PIEZO1: variants seen among roughly 807,000 people sequenced by gnomAD.
PIEZO1 encodes piezo-type mechanosensitive ion channel component 1.
PIEZO1 carries 296 observed loss-of-function variants against 297.2 expected under a neutral mutation model. The ratio of observed to expected loss-of-function variants is 1.00; its 90% CI spans 0.91 to 1.10. The LOEUF (loss-of-function observed/expected upper bound fraction) is 1.10. Ranked by LOEUF, PIEZO1 falls within the 50% of genes least tolerant of loss-of-function variation. The pLI, the probability that PIEZO1 is intolerant of heterozygous loss-of-function variation, is 0.00. For missense variants in PIEZO1, 5,018 were observed against 3,455.5 expected (o/e 1.45, Z -11.34); for synonymous variants, 2,427 against 1,507.5 (o/e 1.61, Z -14.13).
chr16:88,733,148 G>C, intron 19 of PIEZO1, 130 bp downstream of exon 19: 7 of 864,116 alleles, frequency 8.1e-6, no homozygotes, highest in Non-Finnish European at 1.2e-5. Flanking sequence ...CCCCCTTGGC[G>C]CCCCCAGGGG....
At position 88,734,409 on chromosome 16, in the gene PIEZO1, G is replaced by T. The variant is rs956098218; in HGVS notation, c.2127C>A (p.Thr709=). ...HYFHRPFMQL[T]DMEHVSLPGT... ...CAGGCAGGGACACGTGCTCCATGTC[G>T]GTGAGCTGCATGAAGGGCCTGTGGA... Residue 709 remains threonine, a synonymous_variant, in exon 16 of 51, where the codon ACC becomes ACA. Coordinates refer to ENST00000301015, the MANE Select transcript of PIEZO1 (RefSeq NM_001142864.4). 7 of 1,549,496 alleles carry T rather than the reference G, an allele frequency of 4.5e-6. No homozygotes were observed. The highest frequency in any genetic ancestry group is 6.1e-6 in the Non-Finnish European group (7 of 1,146,474).
At chr16:88,730,713 T>C (rs1363544969) in intron 22 of PIEZO1, among the ~76,000 whole-genome samples, 1 of 151,422 alleles carries the variant, frequency 6.6e-6, no homozygotes, top group East Asian at 1.9e-4. Context: ...ATCACAGGCG[T>C]GAACCACCAT....
At chr16:88,755,748 T>C (rs4782510) in intron 1 of PIEZO1, among the ~76,000 whole-genome samples, 103,516 of 152,232 alleles carry the variant, frequency 0.68, 36,003 homozygotes, top group African/African-American at 0.84. Context: ...GAAGGCACCA[T>C]GAGAGGCCGG....
rs564808139 is a variant in PIEZO1, at chr16:88,717,478, C to G, written c.6472-267G>C. 1.4e-4 allele frequency: 85 copies of G among 596,212 alleles called. No homozygotes were observed. The African/African-American group carries it at 1.5e-3, about 10-fold the overall frequency. 36.9% of individuals were successfully genotyped at this position (596,212 alleles called of 1,614,324 possible). A position where few individuals can be genotyped will look rare whatever the true frequency, so the allele number is the denominator to read the frequency against. On this transcript the variant is annotated intron_variant, in intron 44 of 50. Transcript: ENST00000301015. ...AACCTTTTTCAACACGGTGCAGGCA[C>G]CGCCCCAGGCAGGAGAATGAAACGC...
intron 21 of PIEZO1, 123 bp from the exon 22 acceptor site, chr16:88,732,033 G>A: frequency 1.2e-5 from 2 of 168,628 alleles, no homozygotes; most frequent in Non-Finnish European, 2.3e-5. Context: ...CATCAAGCAA[G>A]GACAGGGCCA....
At position 88,784,994 on chromosome 16, in the gene PIEZO1, C is replaced by A. The variant is rs963593374; in HGVS notation, c.-30G>T. The A allele has an allele frequency of 4.1e-6, 5 of 1,222,970 alleles. No homozygotes were observed. The highest frequency in any genetic ancestry group is 3.2e-5 in the African/African-American group (2 of 63,242). 75.8% of individuals were successfully genotyped at this position (1,222,970 alleles called of 1,614,324 possible). Reference sequence around the variant, plus strand: ...GGAGGGCCCAGGGCCCGGCCCAGACCGAGCGGACGCCGCGGCGCTATGGGG... The same window carrying A: ...GGAGGGCCCAGGGCCCGGCCCAGACAGAGCGGACGCCGCGGCGCTATGGGG... On this transcript the variant is annotated 5_prime_UTR_variant, in exon 1 of 51. Coordinates refer to ENST00000301015, the MANE Select transcript of PIEZO1 (RefSeq NM_001142864.4).
At chr16:88,732,807 C>G in intron 19 of PIEZO1, 75 bp from the exon 20 acceptor site, 18 of 1,404,792 alleles carry the variant, frequency 1.3e-5, no homozygotes, top group Non-Finnish European at 1.7e-5. Context: ...CCCACCACAG[C>G]CACAGCTCTG....
chr16:88,724,870 C>G (rs796247503), intron 30 of PIEZO1, 139 bp downstream of exon 30: 2 of 562,600 alleles, frequency 3.6e-6, no homozygotes, highest in East Asian at 3.5e-5. Context: ...CACCCCCCGA[C>G]CCAGGAGGCC....
In PIEZO1 at chr16:88,721,220, G is replaced by A. The variant is rs555535305; in HGVS notation, c.5614C>T (p.Arg1872Cys). 23 of 1,536,138 alleles carry A rather than the reference G, an allele frequency of 1.5e-5. No individual in the cohort carries two copies. Among genetic ancestry groups the A allele is most frequent in the African/African-American group, 2.7e-5 (2 of 73,004 alleles). Residue 1872 changes from arginine to cysteine, a missense_variant, in exon 39 of 51, where the codon CGT becomes TGT. By Grantham distance (180) the Arg-to-Cys change is radical. Transcript: ENST00000301015. ...CCCTCCTTCTTCCTTCTTCTAAAAC[G>A]TAGACTGATGCGCCTCGTATCACGG... ...RPRDTRRISL[R>C]FRRRKKEGPA... is the part of the protein sequence containing the mutation.
Position 88,715,553 on chromosome 16 carries a change from C to T in PIEZO1, c.*52G>A. On this transcript the variant is annotated 3_prime_UTR_variant, in exon 51 of 51. Coordinates refer to ENST00000301015, the MANE Select transcript of PIEZO1 (RefSeq NM_001142864.4). Reference sequence around the variant, plus strand: ...GCCTGAGGAGTGCCGCCCCTTGTGGCCACGCTGCCCAGCAGGCCGGCTCCT... The same window carrying T: ...GCCTGAGGAGTGCCGCCCCTTGTGGTCACGCTGCCCAGCAGGCCGGCTCCT... 5 of 1,515,984 alleles carry T rather than the reference C, an allele frequency of 3.3e-6. No individual in the cohort carries two copies. The highest frequency in any genetic ancestry group is 4.4e-6 in the Non-Finnish European group (5 of 1,126,192). 93.9% of individuals were successfully genotyped at this position (1,515,984 alleles called of 1,614,324 possible).
intron 2 of PIEZO1, chr16:88,745,503 G>A (rs1460535715): frequency 2.0e-5 from 3 of 152,256 alleles, no homozygotes; most frequent in African/African-American, 7.2e-5. Context: ...ACACCTTTGG[G>A]AGGCCGAGGT....
chr16:88,779,282 A>G (rs1597491352), intron 1 of PIEZO1, among the ~76,000 whole-genome samples: 1 of 151,974 alleles, frequency 6.6e-6, no homozygotes, highest in Non-Finnish European at 1.5e-5. Flanking sequence ...CAGGTGATCC[A>G]CCTGCCTCGG....
intron 41 of PIEZO1, 38 bp downstream of exon 41, chr16:88,720,337 GCTGCTGAGCT>G: frequency 6.5e-7 from 1 of 1,549,936 alleles, no homozygotes; most frequent in Non-Finnish European, 8.7e-7. Flanking sequence ...GATGTGGGTG[GCTGCTGAGCT>G]CTGCGTACAC....
intron 1 of PIEZO1, among the ~76,000 whole-genome samples, chr16:88,770,297 C>A (rs1207843903): frequency 6.6e-6 from 1 of 152,196 alleles, no homozygotes; most frequent in South Asian, 2.1e-4. Flanking sequence ...GCACAGCCCG[C>A]TCCCCCATGA....
At chr16:88,751,699 C>T (rs1005850943) in intron 1 of PIEZO1, among the ~76,000 whole-genome samples, 3 of 151,590 alleles carry the variant, frequency 2.0e-5, no homozygotes, top group Non-Finnish European at 2.9e-5. Context: ...TCCCTAAGAT[C>T]TGGCCCAAGA....
chr16:88,724,030 C>CGATGCCAGCCAGGTACCCCTTT, intron 30 of PIEZO1, 59 bp from the exon 31 acceptor site: 1 of 1,058,238 alleles, frequency 9.4e-7, no homozygotes, highest in Non-Finnish European at 1.4e-6. Context: ...CAGCCAGACC[C>CGATGCCAGCCAGGTACCCCTTT]CCTCCGCCTG....
At position 88,734,855 on chromosome 16, in the gene PIEZO1, C is replaced by G; in HGVS notation, c.1848+20G>C. ...CGGGGAGGGTCCGTGCCCCAGCCCC[C>G]ATCCCGGCCCCCCAGCCACCTGGAA... On this transcript the variant is annotated intron_variant, in intron 14 of 50. Transcript: ENST00000301015. The G allele has an allele frequency of 1.9e-6, 3 of 1,550,266 alleles. No homozygotes were observed. In the African/African-American group the frequency reaches 4.1e-5, roughly 21 times the overall value.
intron 1 of PIEZO1, among the ~76,000 whole-genome samples, chr16:88,774,772 G>A (rs976651512): frequency 6.6e-5 from 10 of 152,184 alleles, no homozygotes; most frequent in African/African-American, 1.9e-4. Flanking sequence ...GCAGGATTCC[G>A]CAAAAACAGG....
intron 1 of PIEZO1, 63 bp downstream of exon 1, chr16:88,784,838 A>G: frequency 8.2e-7 from 1 of 1,216,672 alleles, no homozygotes. Context: ...TCCGGTGTCC[A>G]GGCCGTGGGG....
Sources: gnomAD v4.1 joint callset for allele counts (sites outside exome capture counted in the v4.1 genomes callset) on GRCh38, gnomAD v4.1.1 for gene constraint, MANE v1.5 for transcripts, NCBI Gene and HGNC (gene_info 2026-07-23, HGNC 2026-07-21) for gene names.